PCCA: variants seen among roughly 807,000 people sequenced by gnomAD.
The protein encoded by PCCA is propionyl-CoA carboxylase alpha chain, mitochondrial.
A neutral mutation model predicts 101.3 loss-of-function variants in PCCA; 74 were observed. The ratio of observed to expected loss-of-function variants is 0.73; its 90% CI spans 0.61 to 0.89. The LOEUF (loss-of-function observed/expected upper bound fraction) is 0.89. Among genes scored for constraint, PCCA ranks in the 40% least tolerant of loss-of-function variants. The pLI is 0.00. For missense variants in PCCA, 891 were observed against 907.0 expected (o/e 0.98, Z 0.23); for synonymous variants, 294 against 313.6 (o/e 0.94, Z 0.66).
chr13:100,103,534 A>G (rs1371231643), intron 2 of PCCA, among the ~76,000 whole-genome samples: 1 of 151,344 alleles, frequency 6.6e-6, no homozygotes, highest in Non-Finnish European at 1.5e-5. Flanking sequence ...ATGGTCTCGA[A>G]CTCCTGACCT....
At chr13:100,424,549 C>T (rs1442553786) in intron 19 of PCCA, among the ~76,000 whole-genome samples, 6 of 152,174 alleles carry the variant, frequency 3.9e-5, no homozygotes, top group Non-Finnish European at 8.8e-5. Context: ...GAGCCCTGGG[C>T]TTCACTGCAA....
At chr13:100,138,699 C>G (rs1409604906) in intron 4 of PCCA, among the ~76,000 whole-genome samples, 1 of 151,984 alleles carries the variant, frequency 6.6e-6, no homozygotes, top group Non-Finnish European at 1.5e-5. Flanking sequence ...CTTTGGGAGG[C>G]CGAAGCGGGT....
At chr13:100,140,604 G>T (rs1408939511) in intron 4 of PCCA, among the ~76,000 whole-genome samples, 1 of 152,118 alleles carries the variant, frequency 6.6e-6, no homozygotes, top group Admixed American at 6.6e-5. Context: ...AAAAGAAAAT[G>T]ATAAAACTCA....
intron 22 of PCCA, among the ~76,000 whole-genome samples, chr13:100,517,923 G>C (rs1332436644): frequency 6.6e-6 from 1 of 152,116 alleles, no homozygotes; most frequent in Non-Finnish European, 1.5e-5. Context: ...TGGACCAGAG[G>C]CACGTCACTT....
At chr13:100,102,392 A>G (rs2047359779) in intron 1 of PCCA, among the ~76,000 whole-genome samples, 1 of 152,210 alleles carries the variant, frequency 6.6e-6, no homozygotes. Flanking sequence ...GATTACTGAT[A>G]TTGCTTTTTC....
intron 18 of PCCA, among the ~76,000 whole-genome samples, chr13:100,363,765 G>T (rs2074887847): frequency 6.6e-6 from 1 of 152,118 alleles, no homozygotes. Flanking sequence ...GATAATTATG[G>T]TTTAAAATGC....
At position 100,089,143 on chromosome 13, in the gene PCCA, C is replaced by A; in HGVS notation, c.23C>A (p.Thr8Lys). Residue 8 changes from threonine to lysine, a missense_variant, in exon 1 of 24, where the codon ACA becomes AAA. Transcript: ENST00000376285. The part of the protein sequence containing the change: MAGFWVG[T>K]APLVAAGRRG... ...ACAATGGCGGGGTTCTGGGTCGGGA[C>A]AGCACCGCTGGTCGCTGCCGGACGG... 1 of 1,522,834 alleles carries A rather than the reference C, an allele frequency of 6.6e-7. No homozygotes were observed. The highest frequency in any genetic ancestry group is 1.3e-5 in the South Asian group (1 of 79,458). 94.3% of individuals were successfully genotyped at this position (1,522,834 alleles called of 1,614,324 possible). A position where few individuals can be genotyped will look rare whatever the true frequency, so the allele number is the denominator to read the frequency against.
intron 16 of PCCA, among the ~76,000 whole-genome samples, chr13:100,316,184 T>C (rs2067333338): frequency 6.6e-6 from 1 of 152,188 alleles, no homozygotes; most frequent in Non-Finnish European, 1.5e-5. Context: ...CATATTGGCC[T>C]TAGGAAAGAA....
chr13:100,114,476 A>T (rs1478253714), intron 4 of PCCA, among the ~76,000 whole-genome samples: 1 of 152,202 alleles, frequency 6.6e-6, no homozygotes, highest in Non-Finnish European at 1.5e-5. Context: ...GGTGGCACAC[A>T]TCTGTAGTCC....
intron 4 of PCCA, among the ~76,000 whole-genome samples, chr13:100,125,290 G>A (rs949822288): frequency 6.6e-6 from 1 of 152,140 alleles, no homozygotes; most frequent in African/African-American, 2.4e-5. Context: ...AATATTTCCA[G>A]ACATTTAGGT....
At chr13:100,487,659 G>GT (rs1379042944) in intron 21 of PCCA, among the ~76,000 whole-genome samples, 1 of 152,176 alleles carries the variant, frequency 6.6e-6, no homozygotes, top group Non-Finnish European at 1.5e-5. Flanking sequence ...CTTTGGGCAT[G>GT]TACTAAGTAG....
In PCCA at chr13:100,273,685, G is replaced by A. The variant is rs571247186; in HGVS notation, c.1065+339G>A. On this transcript the variant is annotated intron_variant, in intron 12 of 23. Coordinates refer to ENST00000376285, the MANE Select transcript of PCCA (RefSeq NM_000282.4). ...ACAAATAGGAAGTGATACAGTGATT[G>A]CAAAATCTTTGGAAGGATGGAGGAA... is the stretch of plus-strand genomic sequence containing the variant. Among the ~76,000 whole-genome samples the A allele has an allele frequency of 5.9e-5, 9 of 152,256 alleles. No individual in the cohort carries two copies. The East Asian group carries it at 1.5e-3, about 26-fold the overall frequency.
At chr13:100,484,600 C>T (rs1209247447) in intron 21 of PCCA, among the ~76,000 whole-genome samples, 1 of 152,130 alleles carries the variant, frequency 6.6e-6, no homozygotes, top group Non-Finnish European at 1.5e-5. Context: ...TTTTTTCCCC[C>T]CTGTAGATAT....
intron 21 of PCCA, among the ~76,000 whole-genome samples, chr13:100,499,929 A>G (rs547311559): frequency 1.4e-4 from 22 of 152,322 alleles, no homozygotes; most frequent in Admixed American, 1.3e-4. Flanking sequence ...GGAAAATACA[A>G]TGAAATCATG....
At chr13:100,348,910 C>CTTTCTTTTCTTTTCTTTTCT (rs201677268) in intron 18 of PCCA, among the ~76,000 whole-genome samples, 19 of 51,542 alleles carry the variant, frequency 3.7e-4, no homozygotes, top group Non-Finnish European at 6.4e-4. Context: ...TCCTTCCTTC[C>CTTTCTTTTCTTTTCTTTTCT]TTTCTTTTCT....
chr13:100,487,958 A>G (rs2084526637), intron 21 of PCCA, among the ~76,000 whole-genome samples: 1 of 152,104 alleles, frequency 6.6e-6, no homozygotes, highest in Non-Finnish European at 1.5e-5. Flanking sequence ...TTGAACTCCT[A>G]GGCTCAAGTG....
chr13:100,235,354 C>T (rs1350823292), intron 7 of PCCA, among the ~76,000 whole-genome samples: 1 of 150,848 alleles, frequency 6.6e-6, no homozygotes, highest in Non-Finnish European at 1.5e-5. Context: ...TGGAACAATT[C>T]GTAATTCCTG....
chr13:100,453,180 C>T (rs1350062707), intron 21 of PCCA, among the ~76,000 whole-genome samples: 2 of 151,840 alleles, frequency 1.3e-5, no homozygotes, highest in Admixed American at 6.6e-5. Flanking sequence ...AGACCCTGTA[C>T]CCTGTCTCAA....
chr13:100,198,468 G>GTTCATTCATTCATTCA (rs34318074), intron 6 of PCCA: 8 of 149,374 alleles, frequency 5.4e-5, no homozygotes, highest in East Asian at 2.0e-4. Flanking sequence ...CAGTTGCCAC[G>GTTCATTCATTCATTCA]TTCATTCATT....
Sources: allele counts gnomAD v4.1 joint callset (sites outside exome capture counted in the v4.1 genomes callset), GRCh38; gene constraint gnomAD v4.1.1; transcripts MANE v1.5; gene names NCBI Gene and HGNC (gene_info 2026-07-23, HGNC 2026-07-21).